The following SPG11 variants were observed in gnomAD, a reference collection of about 807,000 sequenced individuals.
SPG11 encodes spatacsin.
A neutral mutation model predicts 274.0 loss-of-function variants in SPG11; 222 were observed. The observed-to-expected ratio is 0.81, with a 90% CI of 0.73 to 0.91. The LOEUF (loss-of-function observed/expected upper bound fraction) is 0.91, where lower values mean the gene tolerates loss of function less well. Among genes scored for constraint, SPG11 ranks in the 40% least tolerant of loss-of-function variants. The pLI, the probability that SPG11 is intolerant of heterozygous loss-of-function variation, is 0.00. For synonymous variants in SPG11, 1,144 were observed against 1,039.7 expected, an observed-to-expected ratio of 1.10 and a Z score of -1.93; for missense variants, 3,114 against 2,872.7, an observed-to-expected ratio of 1.08 and a Z score of -1.92.
In SPG11 at chr15:44,570,677, G is replaced by A. The variant is rs1268843127; in HGVS notation, c.6344-19C>T. 1.2e-6 allele frequency: 2 copies of A among 1,612,564 alleles called. No individual in the cohort carries two copies. The highest frequency in any genetic ancestry group is 1.7e-6 in the Non-Finnish European group (2 of 1,179,470). On this transcript the variant is annotated intron_variant, in intron 33 of 39. Coordinates refer to ENST00000261866, the MANE Select transcript of SPG11 (RefSeq NM_025137.4). ...TCTGTGGCTGGGAGGGTGGGCACTGGTAAGATAAGATTATGAACCCTGGCT... is the reference window on the plus strand; with the variant it reads ...TCTGTGGCTGGGAGGGTGGGCACTGATAAGATAAGATTATGAACCCTGGCT...
intron 11 of SPG11, 131 bp downstream of exon 11, chr15:44,626,200 T>C (rs1567172562): frequency 1.3e-6 from 1 of 778,202 alleles, no homozygotes; most frequent in Non-Finnish European, 2.0e-6. Context: ...ATTAATGTCA[T>C]TATTTCTTAG....
chr15:44,651,972 G>A (rs1466210618), intron 5 of SPG11, 33 bp from the exon 6 acceptor site: 2 of 1,595,744 alleles, frequency 1.3e-6, no homozygotes, highest in Non-Finnish European at 1.7e-6. Context: ...CTTAACACCT[G>A]TCACAGTAAA....
Position 44,567,459 on chromosome 15 carries a change from C to T in SPG11, c.6719G>A (p.Arg2240His), listed in dbSNP as rs766384717. 2.0e-5 allele frequency: 33 copies of T among 1,613,884 alleles called. No homozygotes were observed. Among genetic ancestry groups the T allele is most frequent in the East Asian group, 2.2e-5 (1 of 44,864 alleles). Residue 2240 changes from arginine to histidine, a missense_variant, in exon 36 of 40, where the codon CGC becomes CAC. By Grantham distance (29) the Arg-to-His change is conservative (BLOSUM62 0). Transcript: ENST00000261866. ...AGACTCAATCAATTTCAGTTGGATG[C>T]GGGCAGCTGCCTCGTGGTTCTCGCC... ...EIGENHEAAA[R>H]IQLKLIESQP...
intron 25 of SPG11, 87 bp downstream of exon 25, chr15:44,595,996 C>A: frequency 6.5e-7 from 1 of 1,544,076 alleles, no homozygotes; most frequent in South Asian, 1.1e-5. Context: ...CATCATCACC[C>A]CACTTCTGAT....
At chr15:44,630,571 G>A (rs981365073) in intron 8 of SPG11, among the ~76,000 whole-genome samples, 2 of 152,134 alleles carry the variant, frequency 1.3e-5, no homozygotes, top group African/African-American at 2.4e-5. Flanking sequence ...AAACAAAATA[G>A]AATGTGTGTT....
chr15:44,606,071 A>C lies in SPG11; in HGVS notation c.3474T>G (p.Pro1158=). The change falls in exon 20 of 40, where the codon CCT becomes CCG. Residue 1158 remains proline, a synonymous_variant. Coordinates refer to ENST00000261866, the MANE Select transcript of SPG11 (RefSeq NM_025137.4). The part of the protein sequence containing the change: ...HLIQSLSPFD[P]SRLFGWQSAN... Reference sequence around the variant, plus strand: ...CAGACTGCCAGCCAAACAATCTGCTAGGATCAAAGGGTGATAATGACTGAA... The same window carrying C: ...CAGACTGCCAGCCAAACAATCTGCTCGGATCAAAGGGTGATAATGACTGAA... The C allele has an allele frequency of 1.9e-6, 3 of 1,613,724 alleles. No individual in the cohort carries two copies. The Middle Eastern group carries it at 5.0e-4, about 266-fold the overall frequency.
chr15:44,658,025 A>G (rs1356657143), intron 3 of SPG11, among the ~76,000 whole-genome samples: 7 of 152,206 alleles, frequency 4.6e-5, no homozygotes, highest in African/African-American at 1.7e-4. Context: ...ACCCTGTCTC[A>G]GGAGAAGAAA....
rs2084972875 is a variant in SPG11 at position 44,657,391 on chromosome 15, A to G, written c.668-95T>C. 5.3e-6 allele frequency: 6 copies of G among 1,133,656 alleles called. No homozygotes were observed. In the Admixed American group the frequency reaches 1.2e-4, roughly 22 times the overall value. 70.2% of individuals were successfully genotyped at this position (1,133,656 alleles called of 1,614,324 possible). On this transcript the variant is annotated intron_variant, in intron 3 of 39. Coordinates refer to ENST00000261866, the MANE Select transcript of SPG11 (RefSeq NM_025137.4). ...AAAGAGCTATAGACTTTATCACTCCAATTTTGTAGGTATAACAGAAGAAGA... is the reference window on the plus strand; with the variant it reads ...AAAGAGCTATAGACTTTATCACTCCGATTTTGTAGGTATAACAGAAGAAGA...
intron 26 of SPG11, among the ~76,000 whole-genome samples, chr15:44,594,457 C>T (rs576356496): frequency 6.6e-6 from 1 of 151,664 alleles, no homozygotes; most frequent in Non-Finnish European, 1.5e-5. Context: ...AACAAAAAAC[C>T]ACCCTGGGCC....
chr15:44,570,695 C>T (rs768465016), intron 33 of SPG11, 37 bp from the exon 34 acceptor site: 2 of 1,605,690 alleles, frequency 1.2e-6, no homozygotes, highest in Non-Finnish European at 1.7e-6. Flanking sequence ...AGATTATGAA[C>T]CCTGGCTGCC....
chr15:44,563,007 T>C lies in SPG11; in HGVS notation c.*114A>G, dbSNP rs982144910. On this transcript the variant is annotated 3_prime_UTR_variant, in exon 40 of 40. Transcript: ENST00000261866. ...ACCTACTACCCACAAAGGACTGATA[T>C]GGTACAGTACCGGGATTGTTCAACT... The C allele has an allele frequency of 4.5e-5, 47 of 1,037,928 alleles. No homozygotes were observed. Among genetic ancestry groups the C allele is most frequent in the African/African-American group, 6.3e-5 (4 of 63,174 alleles). The allele number at this position is 1,037,928 out of a possible 1,614,324, so 64.3% of individuals were successfully genotyped here.
At chr15:44,658,166 T>C (rs1171269224) in intron 3 of SPG11, among the ~76,000 whole-genome samples, 1 of 152,254 alleles carries the variant, frequency 6.6e-6, no homozygotes, top group African/African-American at 2.4e-5. Context: ...GCAACAATAA[T>C]TGTTAATTTA....
intron 19 of SPG11, among the ~76,000 whole-genome samples, chr15:44,607,128 A>T (rs1198510608): frequency 6.6e-6 from 1 of 152,196 alleles, no homozygotes; most frequent in Non-Finnish European, 1.5e-5. Flanking sequence ...TAAACAGTGT[A>T]CTTAGGGACA....
chr15:44,627,865 A>G (rs1009254972), intron 10 of SPG11, among the ~76,000 whole-genome samples: 6 of 152,222 alleles, frequency 3.9e-5, no homozygotes, highest in Admixed American at 1.3e-4. Context: ...CTGGGATTAC[A>G]GGCGTGAGCC....
In SPG11 at chr15:44,572,433, T is replaced by C. The variant is rs2082442941; in HGVS notation, c.6343+250A>G. On this transcript the variant is annotated intron_variant, in intron 33 of 39. Transcript: ENST00000261866. ...CAATAACGTTCTCTTTGCAGGGCAA[T>C]ATAAGAGTGAAATAAGTATGTTGAG... 23 of 484,370 alleles carry C rather than the reference T, an allele frequency of 4.7e-5. No individual in the cohort carries two copies. The South Asian group carries it at 4.8e-4, about 10-fold the overall frequency. 30.0% of individuals were successfully genotyped at this position (484,370 alleles called of 1,614,324 possible). A position where few individuals can be genotyped will look rare whatever the true frequency, so the allele number is the denominator to read the frequency against.
chr15:44,604,365 T>C (rs1335718355), intron 20 of SPG11, among the ~76,000 whole-genome samples: 1 of 152,216 alleles, frequency 6.6e-6, no homozygotes, highest in African/African-American at 2.4e-5. Context: ...TATAAAGCCA[T>C]TCATTAGATA....
Position 44,615,385 on chromosome 15 carries a change from A to C in SPG11, c.3016T>G (p.Tyr1006Asp). Residue 1006 changes from tyrosine to aspartate, a missense_variant, in exon 16 of 40, where the codon TAT becomes GAT. Physicochemically the swap from Tyr to Asp is radical, Grantham distance 160 (BLOSUM62 -3). Transcript: ENST00000261866. Reference protein sequence around the residue: ...CLEHSLQHLLYVYLDCYKLSP... With the variant: ...CLEHSLQHLLDVYLDCYKLSP... ...CACTTGTAACAGTCAAGGTAGACAT[A>C]AAGAAGATGCTGCAGACTGTGCTCC... 2 of 1,613,906 alleles carry C rather than the reference A, an allele frequency of 1.2e-6. No individual in the cohort carries two copies. The highest frequency in any genetic ancestry group is 2.2e-5 in the South Asian group (2 of 91,078).
In SPG11 at chr15:44,565,986, C is replaced by A. The variant is rs762598343; in HGVS notation, c.6867G>T (p.Gln2289His). 6.2e-7 allele frequency: 1 copy of A among 1,613,858 alleles called. No individual in the cohort carries two copies. Among genetic ancestry groups the A allele is most frequent in the Admixed American group, 1.7e-5 (1 of 60,008 alleles). ...TCAACTTGGTGAGCCGCTGACAGTG[C>A]TGGGCCTGTCGCACACAGGAGTCCT... ...YAKDSCVRQAQHCQRLTKLIT... is the reference protein window; with the variant it reads ...YAKDSCVRQAHHCQRLTKLIT... The change falls in exon 38 of 40, where the codon CAG (glutamine) becomes CAT (histidine). Residue 2289 changes from glutamine (Q) to histidine (H), a missense_variant. By Grantham distance (24) the Gln-to-His change is conservative. Coordinates refer to ENST00000261866, the MANE Select transcript of SPG11 (RefSeq NM_025137.4).
At chr15:44,565,073 A>C (rs2082281279) in intron 38 of SPG11, among the ~76,000 whole-genome samples, 1 of 152,214 alleles carries the variant, frequency 6.6e-6, no homozygotes, top group Non-Finnish European at 1.5e-5. Context: ...CAATGAATTG[A>C]AACTGCTAAG....
Sources: allele counts gnomAD v4.1 joint callset (sites outside exome capture counted in the v4.1 genomes callset), GRCh38; gene constraint gnomAD v4.1.1; transcripts MANE v1.5; gene names NCBI Gene and HGNC (gene_info 2026-07-23, HGNC 2026-07-21).